Variants in BIN1 observed in about 807,000 individuals in gnomAD.
BIN1 encodes bridging integrator 1.
In BIN1, 53 loss-of-function variants were observed where a neutral mutation model predicts 82.0. That is an observed-to-expected ratio of 0.65 (90% CI 0.52 to 0.81). The LOEUF (loss-of-function observed/expected upper bound fraction) is 0.81. Among genes scored for constraint, BIN1 ranks in the 40% least tolerant of loss-of-function variants. The pLI, the probability that BIN1 is intolerant of heterozygous loss-of-function variation, is 0.00. For missense variants in BIN1, 642 were observed against 784.4 expected (o/e 0.82, Z 2.17); for synonymous variants, 302 against 328.0 (o/e 0.92, Z 0.86).
chr2:127,080,809 C>A (rs1471081341), intron 1 of BIN1, among the ~76,000 whole-genome samples: 1 of 152,202 alleles, frequency 6.6e-6, no homozygotes, highest in Non-Finnish European at 1.5e-5. Flanking sequence ...AGTGTGAACC[C>A]GTGGCCAGCT....
At position 127,051,565 on chromosome 2, in the gene BIN1, A is replaced by T. The variant is rs562808935; in HGVS notation, c.1372-322T>A. On this transcript the variant is annotated intron_variant, in intron 15 of 18. Transcript: ENST00000316724. ...CAGGCCCTGCTCTCTCGGCACCAAGACCTCGCCCAGCCACAGCCACCACCC... is the reference window on the plus strand; with the variant it reads ...CAGGCCCTGCTCTCTCGGCACCAAGTCCTCGCCCAGCCACAGCCACCACCC... Among the ~76,000 whole-genome samples, 92 of 151,890 alleles carry T rather than the reference A, an allele frequency of 6.1e-4. No individual in the cohort carries two copies. The South Asian group carries it at 0.014, about 23-fold the overall frequency.
In BIN1 at chr2:127,106,220, G is replaced by C. The variant is rs370662425; in HGVS notation, c.84+640C>G. 2.6e-5 allele frequency among the ~76,000 whole-genome samples: 4 copies of C among 152,312 alleles called. No individual in the cohort carries two copies. In the East Asian group the frequency reaches 7.7e-4, roughly 29 times the overall value. ...TGCTGGGGCGAGGGCACCTCCTTGC[G>C]GGGTGCGTAGCCCTGGGCTCCCGGT... On this transcript the variant is annotated intron_variant, in intron 1 of 18. Coordinates refer to ENST00000316724, the MANE Select transcript of BIN1 (RefSeq NM_139343.3).
chr2:127,051,108 CG>C (rs759737221), intron 16 of BIN1, 45 bp downstream of exon 16: 22 of 1,606,196 alleles, frequency 1.4e-5, no homozygotes, highest in Non-Finnish European at 1.9e-5. Context: ...GACAGGCAGG[CG>C]GGCGGCAGGG....
intron 9 of BIN1, among the ~76,000 whole-genome samples, chr2:127,063,000 C>T (rs543059491): frequency 6.6e-6 from 1 of 152,298 alleles, no homozygotes; most frequent in South Asian, 2.1e-4. Flanking sequence ...AGACCCACCA[C>T]TGGGGGCGGG....
intron 13 of BIN1, 77 bp from the exon 14 acceptor site, chr2:127,053,522 C>A: frequency 6.4e-7 from 1 of 1,566,958 alleles, no homozygotes; most frequent in Non-Finnish European, 8.7e-7. Flanking sequence ...CCCCAGGGAC[C>A]CTACCCCCGC....
chr2:127,088,356 G>A (rs1287999004), intron 1 of BIN1, among the ~76,000 whole-genome samples: 1 of 151,990 alleles, frequency 6.6e-6, no homozygotes, highest in East Asian at 1.9e-4. Flanking sequence ...ATGCTCTATG[G>A]GAAGCCAAGC....
intron 1 of BIN1, 78 bp from the exon 2 acceptor site, chr2:127,076,784 C>T (rs1259545333): frequency 2.4e-5 from 36 of 1,505,780 alleles, no homozygotes; most frequent in South Asian, 1.1e-5. Context: ...CAGTCACCAA[C>T]AGCACAGACC....
intron 10 of BIN1, among the ~76,000 whole-genome samples, chr2:127,061,650 G>A (rs1304612317): frequency 6.6e-6 from 1 of 152,238 alleles, no homozygotes; most frequent in Non-Finnish European, 1.5e-5. Flanking sequence ...CTGAGGACAG[G>A]AAGAGGATGC....
chr2:127,083,715 C>T (rs894578602), intron 1 of BIN1, among the ~76,000 whole-genome samples: 1 of 152,176 alleles, frequency 6.6e-6, no homozygotes, highest in African/African-American at 2.4e-5. Flanking sequence ...TCCTTTAGTC[C>T]AGAATATTCC....
Position 127,068,994 on chromosome 2 carries a change from T to C in BIN1, c.449A>G (p.Tyr150Cys). The change falls in exon 6 of 19, where the codon TAC (tyrosine) becomes TGC (cysteine). Residue 150 changes from tyrosine to cysteine, a missense_variant. By Grantham distance (194) the Tyr-to-Cys change is radical. Coordinates refer to ENST00000316724, the MANE Select transcript of BIN1 (RefSeq NM_139343.3). This position sits in a 1 kb window ranked among gnomAD's most constrained non-coding sequence, Gnocchi z 4.9. ...CTCGTAGTGGTGCCGGGCACTGTCGTAGTCCACCAGCTTGCGCCCCCGCTT... is the reference window on the plus strand; with the variant it reads ...CTCGTAGTGGTGCCGGGCACTGTCGCAGTCCACCAGCTTGCGCCCCCGCTT... Reference protein sequence around the residue: ...IAKRGRKLVDYDSARHHYESL... With the variant: ...IAKRGRKLVDCDSARHHYESL... The C allele has an allele frequency of 1.2e-6, 2 of 1,614,166 alleles. No individual in the cohort carries two copies. Among genetic ancestry groups the C allele is most frequent in the Non-Finnish European group, 1.7e-6 (2 of 1,180,014 alleles).
intron 15 of BIN1, among the ~76,000 whole-genome samples, chr2:127,051,733 C>A (rs1375088024): frequency 1.3e-5 from 2 of 152,206 alleles, no homozygotes; most frequent in Admixed American, 1.3e-4. Flanking sequence ...CAGCCCAAAT[C>A]CAAGAAGGGT....
intron 18 of BIN1, among the ~76,000 whole-genome samples, chr2:127,048,972 C>A (rs1325154561): frequency 6.6e-6 from 1 of 152,250 alleles, no homozygotes; most frequent in Non-Finnish European, 1.5e-5. Flanking sequence ...TTGGGAGTGA[C>A]AACAAGTTAC....
chr2:127,052,727 T>G (rs1573542414), intron 14 of BIN1: 1 of 319,980 alleles, frequency 3.1e-6, no homozygotes, highest in South Asian at 3.6e-5. Flanking sequence ...CAAGGGCGCC[T>G]GCACACCCGC....
chr2:127,063,785 T>C, intron 8 of BIN1, 139 bp from the exon 9 acceptor site: 1 of 1,398,466 alleles, frequency 7.2e-7, no homozygotes, highest in Non-Finnish European at 1.0e-6. Context: ...GCACTCAGGC[T>C]GGACACTGCA....
chr2:127,074,179 G>A (rs766129432), intron 2 of BIN1, among the ~76,000 whole-genome samples: 29 of 151,974 alleles, frequency 1.9e-4, no homozygotes, highest in African/African-American at 4.1e-4. Context: ...GGCTTCCCAC[G>A]CCCCATTCTC....
chr2:127,053,500 G>A (rs558399490), intron 13 of BIN1, 55 bp from the exon 14 acceptor site: 4 of 1,603,378 alleles, frequency 2.5e-6, no homozygotes, highest in South Asian at 1.1e-5. Flanking sequence ...TAGAGACAGG[G>A]CGGCAAGCAG....
In BIN1 at chr2:127,057,373, G is replaced by A. The variant is rs1021137651; in HGVS notation, c.1131+100C>T. ...GGGAAACTGACACTCTCTCTGGCCA[G>A]ATTCCTGGCTCTTGAGACAGAAGCA... On this transcript the variant is annotated intron_variant, in intron 12 of 18. Transcript: ENST00000316724. This position sits in a 1 kb window ranked among gnomAD's most constrained non-coding sequence, Gnocchi z 5.0. The A allele has an allele frequency of 1.5e-4, 214 of 1,399,982 alleles. 1 individual carries two copies. Among genetic ancestry groups the A allele is most frequent in the Non-Finnish European group, 1.9e-4 (206 of 1,065,988 alleles). The allele number at this position is 1,399,982 out of a possible 1,614,324, so 86.7% of individuals were successfully genotyped here.
rs368616652 is a variant in BIN1, at chr2:127,053,990, G to A, written c.1154C>T (p.Ser385Leu). The change falls in exon 13 of 19, where the codon TCG (serine) becomes TTG (leucine). Residue 385 changes from serine (S) to leucine (L), a missense_variant. Physicochemically the swap from Ser to Leu is moderately radical, Grantham distance 145. Transcript: ENST00000316724. ...CAGGTCCAGCAGACTGGCCTGCTCCGAGAAAGGCCCCGGGGCCTCAAACTT... is the reference window on the plus strand; with the variant it reads ...CAGGTCCAGCAGACTGGCCTGCTCCAAGAAAGGCCCCGGGGCCTCAAACTT... ...PSQFEAPGPF[S>L]EQASLLDLDF... The A allele has an allele frequency of 1.4e-4, 221 of 1,551,286 alleles. No homozygotes were observed. Among genetic ancestry groups the A allele is most frequent in the Non-Finnish European group, 1.8e-4 (209 of 1,146,960 alleles).
chr2:127,101,304 C>G (rs1680321609), intron 1 of BIN1, among the ~76,000 whole-genome samples: 7 of 152,184 alleles, frequency 4.6e-5, no homozygotes, highest in Admixed American at 4.6e-4. Context: ...CAAAAGGAAG[C>G]CATCCTCCCG....
Sources: gnomAD v4.1 joint callset for allele counts (sites outside exome capture counted in the v4.1 genomes callset) on GRCh38, gnomAD v4.1.1 for gene constraint, Gnocchi (gnomAD v3.1) non-coding constraint, MANE v1.5 for transcripts, NCBI Gene and HGNC (gene_info 2026-07-23, HGNC 2026-07-21) for gene names.